AHNAK: variants seen among roughly 807,000 people sequenced by gnomAD.
The protein encoded by AHNAK is neuroblast differentiation-associated protein AHNAK.
Under a neutral mutation model 37.8 loss-of-function variants are expected in AHNAK, and 23 were observed. That is an observed-to-expected ratio of 0.61 (90% CI 0.44 to 0.86). The LOEUF is 0.86. Ranked by LOEUF, AHNAK falls within the 40% of genes least tolerant of loss-of-function variation. The pLI, the probability that AHNAK is intolerant of heterozygous loss-of-function variation, is 0.00. For synonymous variants in AHNAK, 2,481 were observed against 2,636.3 expected (o/e 0.94, Z 1.80); for missense variants, 7,411 against 7,319.4 (o/e 1.01, Z -0.46).
At position 62,523,672 on chromosome 11, in the gene AHNAK, G is replaced by A. The variant is rs757933421; in HGVS notation, c.10745C>T (p.Pro3582Leu). The A allele has an allele frequency of 2.5e-6, 4 of 1,613,906 alleles. No homozygotes were observed. In the East Asian group the frequency reaches 8.9e-5, roughly 36 times the overall value. ...LKGPEVDIKG[P>L]KVDINAPDVD... is the part of the protein sequence containing the mutation. ...ATCTGGGGCATTGATGTCCACTTTA[G>A]GGCCTTTGATATCAACCTCTGGCCC... is the stretch of plus-strand genomic sequence containing the variant. The change falls in exon 5 of 5, where the codon CCT (proline) becomes CTT (leucine). Residue 3582 changes from proline to leucine, a missense_variant. Pro to Leu is a moderately conservative substitution (Grantham distance 98). Coordinates refer to ENST00000378024, the MANE Select transcript of AHNAK (RefSeq NM_001620.3).
In AHNAK at chr11:62,518,377, A is replaced by G. The variant is rs1457864946; in HGVS notation, c.16040T>C (p.Val5347Ala). Reference sequence around the variant, plus strand: ...CTTTGTTGTGGCATCGATCCCTGGCACTTTCACACCGTCTCCTCCCACCTG... The same window carrying G: ...CTTTGTTGTGGCATCGATCCCTGGCGCTTTCACACCGTCTCCTCCCACCTG... ...KMQVGGDGVK[V>A]PGIDATTKLN... The change falls in exon 5 of 5, where the codon GTG (valine) becomes GCG (alanine). Residue 5347 changes from valine to alanine, a missense_variant. Coordinates refer to ENST00000378024, the MANE Select transcript of AHNAK (RefSeq NM_001620.3). 2 of 1,613,902 alleles carry G rather than the reference A, an allele frequency of 1.2e-6. No homozygotes were observed. Among genetic ancestry groups the G allele is most frequent in the Non-Finnish European group, 1.7e-6 (2 of 1,180,016 alleles).
At chr11:62,443,806 A>G (rs1938364982) in intron 5 of AHNAK, among the ~76,000 whole-genome samples, 1 of 152,208 alleles carries the variant, frequency 6.6e-6, no homozygotes, top group South Asian at 2.1e-4. Context: ...AAGGCTGATA[A>G]ATTACTGAAA....
In AHNAK at chr11:62,535,043, G is replaced by A; in HGVS notation, c.302C>T (p.Thr101Ile). ...DRSPEPGQTW[T>I]REVFSSCSSE... ...GCTGCAGGAGCTGAAGACTTCACGGGTCCAGGTCTGGCCAGGCTCGGGAGA... is the reference window on the plus strand; with the variant it reads ...GCTGCAGGAGCTGAAGACTTCACGGATCCAGGTCTGGCCAGGCTCGGGAGA... Residue 101 changes from threonine to isoleucine, a missense_variant, in exon 4 of 5, where the codon ACC becomes ATC. Transcript: ENST00000378024. The A allele has an allele frequency of 6.2e-7, 1 of 1,613,666 alleles. No individual in the cohort carries two copies. Among genetic ancestry groups the A allele is most frequent in the Admixed American group, 1.7e-5 (1 of 60,020 alleles).
At chr11:62,544,773 C>T (rs1565254449) in intron 1 of AHNAK, among the ~76,000 whole-genome samples, 1 of 151,794 alleles carries the variant, frequency 6.6e-6, no homozygotes, top group Non-Finnish European at 1.5e-5. Flanking sequence ...CCTGGGATTT[C>T]CCTCACGGGG....
intron 5 of AHNAK, among the ~76,000 whole-genome samples, chr11:62,447,282 G>T (rs139290399): frequency 3.3e-5 from 5 of 152,194 alleles, no homozygotes; most frequent in East Asian, 1.9e-4. Flanking sequence ...GAGATTTTTT[G>T]ATTTCACCAA....
At position 62,517,862 on chromosome 11, in the gene AHNAK, A is replaced by G; in HGVS notation, c.16555T>C (p.Ser5519Pro). The stretch of plus-strand genomic sequence containing the variant: ...AGACCACCTTTGATTTCAGGCCCAG[A>G]AATCTGCCCAGTTGGGAGTTTCACA... ...VNVKLPTGQI[S>P]GPEIKGGLKG... The change falls in exon 5 of 5, where the codon TCT becomes CCT. Residue 5519 changes from serine (S) to proline (P), a missense_variant. By Grantham distance (74) the Ser-to-Pro change is moderately conservative. Coordinates refer to ENST00000378024, the MANE Select transcript of AHNAK (RefSeq NM_001620.3). The G allele has an allele frequency of 6.2e-7, 1 of 1,614,150 alleles. No homozygotes were observed.
At chr11:62,454,434 G>T (rs888970611) in intron 5 of AHNAK, among the ~76,000 whole-genome samples, 2 of 148,670 alleles carry the variant, frequency 1.3e-5, no homozygotes, top group Non-Finnish European at 3.0e-5. Flanking sequence ...AAAAAGAAAA[G>T]AAAAGAAAAG....
At chr11:62,500,810 T>C (rs2134173854) in intron 4 of AHNAK, among the ~76,000 whole-genome samples, 1 of 152,340 alleles carries the variant, frequency 6.6e-6, no homozygotes, top group African/African-American at 2.4e-5. Flanking sequence ...CAGAAGCCTC[T>C]ATGTCAGCTG....
intron 4 of AHNAK, among the ~76,000 whole-genome samples, chr11:62,507,620 G>T (rs914045487): frequency 1.3e-5 from 2 of 151,986 alleles, no homozygotes; most frequent in Admixed American, 6.6e-5. Flanking sequence ...GCAAAACCCC[G>T]TCTCTACTAA....
chr11:62,538,597 A>G (rs1359868104), intron 1 of AHNAK, among the ~76,000 whole-genome samples: 2 of 152,150 alleles, frequency 1.3e-5, no homozygotes, highest in East Asian at 1.9e-4. Context: ...TATGCCCAAC[A>G]CTATACTTTG....
At chr11:62,470,036 T>TG (rs1244057820) in intron 5 of AHNAK, among the ~76,000 whole-genome samples, 2 of 151,882 alleles carry the variant, frequency 1.3e-5, no homozygotes, top group East Asian at 1.9e-4. Flanking sequence ...CCACGTGCAG[T>TG]GCTCACGCCC....
intron 5 of AHNAK, among the ~76,000 whole-genome samples, chr11:62,446,314 C>A (rs1938422609): frequency 6.6e-6 from 1 of 152,132 alleles, no homozygotes; most frequent in Non-Finnish European, 1.5e-5. Context: ...GGGCTCTCCC[C>A]CTCCACCTGG....
chr11:62,544,474 G>C (rs1252227266), intron 1 of AHNAK, among the ~76,000 whole-genome samples: 1 of 152,118 alleles, frequency 6.6e-6, no homozygotes, highest in Non-Finnish European at 1.5e-5. Context: ...AAAGGCTTTA[G>C]AGAGGGGCTC....
chr11:62,492,719 A>C (rs1565212976), intron 4 of AHNAK, among the ~76,000 whole-genome samples: 2 of 151,890 alleles, frequency 1.3e-5, no homozygotes, highest in South Asian at 4.1e-4. Context: ...AAAATAAAAA[A>C]TAAACAAAAT....
rs369128784 is a variant in AHNAK, at chr11:62,525,559, A to G, written c.8858T>C (p.Met2953Thr). Reference protein sequence around the residue: ...EGKLKGPKFKMPEMNIKAPKI... With the variant: ...EGKLKGPKFKTPEMNIKAPKI... Reference sequence around the variant, plus strand: ...GGGGGCTTTGATATTCATCTCTGGCATCTTGAACTTGGGCCCTTTCAACTT... The same window carrying G: ...GGGGGCTTTGATATTCATCTCTGGCGTCTTGAACTTGGGCCCTTTCAACTT... Residue 2953 changes from methionine to threonine, a missense_variant, in exon 5 of 5, where the codon ATG (methionine) becomes ACG (threonine). Coordinates refer to ENST00000378024, the MANE Select transcript of AHNAK (RefSeq NM_001620.3). 4 of 1,613,912 alleles carry G rather than the reference A, an allele frequency of 2.5e-6. No individual in the cohort carries two copies. Among genetic ancestry groups the G allele is most frequent in the Non-Finnish European group, 3.4e-6 (4 of 1,179,992 alleles).
At position 62,527,743 on chromosome 11, in the gene AHNAK, A is replaced by T; in HGVS notation, c.6674T>A (p.Val2225Glu). ...VPDVDIRGPK[V>E]DIDAPDVDVH... Reference sequence around the variant, plus strand: ...ATCCACATCTGGGGCATCAATGTCCACTTTGGGCCCTCTGATGTCAACATC... The same window carrying T: ...ATCCACATCTGGGGCATCAATGTCCTCTTTGGGCCCTCTGATGTCAACATC... The change falls in exon 5 of 5, where the codon GTG becomes GAG. Residue 2225 changes from valine to glutamate, a missense_variant. Val to Glu is a moderately radical substitution (Grantham distance 121, BLOSUM62 -2). Coordinates refer to ENST00000378024, the MANE Select transcript of AHNAK (RefSeq NM_001620.3). 1 of 1,614,022 alleles carries T rather than the reference A, an allele frequency of 6.2e-7. No homozygotes were observed. Among genetic ancestry groups the T allele is most frequent in the Non-Finnish European group, 8.5e-7 (1 of 1,180,014 alleles).
At position 62,525,614 on chromosome 11, in the gene AHNAK, G is replaced by C. The variant is rs1323426793; in HGVS notation, c.8803C>G (p.Pro2935Ala). ...TCTGGTCCTTCAATGTTAACATCAGGGCCTTCAACGTCCACTTTGGGGCCT... is the reference window on the plus strand; with the variant it reads ...TCTGGTCCTTCAATGTTAACATCAGCGCCTTCAACGTCCACTTTGGGGCCT... ...VSGPKVDVEG[P>A]DVNIEGPEGK... is the part of the protein sequence containing the mutation. The change falls in exon 5 of 5, where the codon CCT becomes GCT. Residue 2935 changes from proline to alanine, a missense_variant. Transcript: ENST00000378024. 3 of 1,612,938 alleles carry C rather than the reference G, an allele frequency of 1.9e-6. No homozygotes were observed. Among genetic ancestry groups the C allele is most frequent in the Non-Finnish European group, 2.5e-6 (3 of 1,179,836 alleles).
Position 62,529,745 on chromosome 11 carries a change from G to T in AHNAK, c.4672C>A (p.Pro1558Thr). The T allele has an allele frequency of 6.2e-7, 1 of 1,614,080 alleles. No individual in the cohort carries two copies. The highest frequency in any genetic ancestry group is 8.5e-7 in the Non-Finnish European group (1 of 1,180,028). ...TTAGGGCCTTTTAGTTTCCCCTCTG[G>T]AGCTTCAAGATTCACATCTGGAACA... ...IDVPDVNLEA[P>T]EGKLKGPKFK... The change falls in exon 5 of 5, where the codon CCA becomes ACA. Residue 1558 changes from proline (P) to threonine (T), a missense_variant. Coordinates refer to ENST00000378024, the MANE Select transcript of AHNAK (RefSeq NM_001620.3).
At chr11:62,512,014 A>G (rs954154906), downstream of AHNAK, among the ~76,000 whole-genome samples, 2 of 151,968 alleles carry the variant, frequency 1.3e-5, no homozygotes, top group African/African-American at 4.8e-5. This position sits in a 1 kb window ranked among gnomAD's most constrained non-coding sequence, Gnocchi z 4.0. Context: ...ACGCCCAGCT[A>G]ATTTTGTATT....
Sources: gnomAD v4.1 joint callset for allele counts (sites outside exome capture counted in the v4.1 genomes callset) on GRCh38, gnomAD v4.1.1 for gene constraint, Gnocchi (gnomAD v3.1) non-coding constraint, MANE v1.5 for transcripts, NCBI Gene and HGNC (gene_info 2026-07-23, HGNC 2026-07-21) for gene names.